The following FRMD4A variants were observed in gnomAD, a reference collection of about 807,000 sequenced individuals.
FRMD4A encodes FERM domain-containing protein 4A.
Under a neutral mutation model 129.1 loss-of-function variants are expected in FRMD4A, and 29 were observed. The ratio of observed to expected loss-of-function variants is 0.22; its 90% confidence interval spans 0.17 to 0.31. FRMD4A has a LOEUF of 0.31. Ranked by LOEUF, FRMD4A falls within the 10% of genes least tolerant of loss-of-function variation. The pLI is 1.00. For missense variants in FRMD4A, 1,272 were observed against 1,375.8 expected, an observed-to-expected ratio of 0.92 and a Z score of 1.19; for synonymous variants, 634 against 571.6, an observed-to-expected ratio of 1.11 and a Z score of -1.56.
chr10:14,226,035 C>T (rs1328847160), intron 2 of FRMD4A, among the ~76,000 whole-genome samples: 1 of 152,122 alleles, frequency 6.6e-6, no homozygotes, highest in African/African-American at 2.4e-5. Context: ...CCTTTTTCAT[C>T]TATTTGAGAT....
At chr10:13,712,436 C>T (rs1304515335) in intron 12 of FRMD4A, among the ~76,000 whole-genome samples, 1 of 152,024 alleles carries the variant, frequency 6.6e-6, no homozygotes, top group Non-Finnish European at 1.5e-5. Context: ...ATCGCTTGTA[C>T]CCAGGAGACG....
intron 2 of FRMD4A, among the ~76,000 whole-genome samples, chr10:14,155,151 C>T (rs1057480227): frequency 6.6e-6 from 1 of 152,140 alleles, no homozygotes; most frequent in African/African-American, 2.4e-5. Flanking sequence ...AAAACGTAGT[C>T]AGGTGTGGTG....
chr10:13,929,732 A>G (rs1458510603), intron 2 of FRMD4A, among the ~76,000 whole-genome samples: 1 of 152,226 alleles, frequency 6.6e-6, no homozygotes, highest in African/African-American at 2.4e-5. Flanking sequence ...TTCAGTTCTC[A>G]GCAGGCAACA....
chr10:14,189,956 G>A (rs746342169), intron 2 of FRMD4A, among the ~76,000 whole-genome samples: 12 of 152,166 alleles, frequency 7.9e-5, no homozygotes, highest in Admixed American at 1.3e-4. Context: ...TTCATAGGGC[G>A]CTCTCTGACT....
chr10:13,806,544 A>G (rs1427885431), intron 4 of FRMD4A, among the ~76,000 whole-genome samples: 2 of 152,176 alleles, frequency 1.3e-5, no homozygotes, highest in Non-Finnish European at 2.9e-5. Context: ...CTAGACCCCA[A>G]CATTCAACGC....
Position 13,927,505 on chromosome 10 carries a change from A to G in FRMD4A, c.46-68593T>C, listed in dbSNP as rs368383522. On this transcript the variant is annotated intron_variant, in intron 2 of 24. Transcript: ENST00000357447. ...AAGAAGTTAAGAATTTTCTATTTCA[A>G]TTGGATTCAAGTGGTTTCTGCCTTT... is the stretch of plus-strand genomic sequence containing the variant. 2.6e-5 allele frequency among the ~76,000 whole-genome samples: 4 copies of G among 152,224 alleles called. No homozygotes were observed. In the East Asian group the frequency reaches 7.7e-4, roughly 29 times the overall value.
intron 2 of FRMD4A, among the ~76,000 whole-genome samples, chr10:13,861,549 A>C (rs1441191766): frequency 6.6e-6 from 1 of 152,188 alleles, no homozygotes; most frequent in Non-Finnish European, 1.5e-5. Context: ...AGTTTCACAT[A>C]CTCCTAAACA....
At chr10:14,098,379 G>A (rs1837112613) in intron 2 of FRMD4A, among the ~76,000 whole-genome samples, 1 of 150,752 alleles carries the variant, frequency 6.6e-6, no homozygotes, top group South Asian at 2.1e-4. Flanking sequence ...AAATACTTCT[G>A]AATATGGTTC....
intron 2 of FRMD4A, among the ~76,000 whole-genome samples, chr10:13,964,797 T>C (rs1238664293): frequency 6.6e-6 from 1 of 151,704 alleles, no homozygotes; most frequent in Non-Finnish European, 1.5e-5. Context: ...CAAGCGATTC[T>C]CCTGCCTCAG....
At chr10:13,988,739 T>A (rs929198052) in intron 2 of FRMD4A, among the ~76,000 whole-genome samples, 1 of 152,212 alleles carries the variant, frequency 6.6e-6, no homozygotes, top group African/African-American at 2.4e-5. Context: ...GAGATCTCTA[T>A]GTAGATTTCT....
chr10:14,195,367 A>T (rs1219476420), intron 2 of FRMD4A, among the ~76,000 whole-genome samples: 2 of 152,072 alleles, frequency 1.3e-5, no homozygotes, highest in Non-Finnish European at 2.9e-5. Context: ...AGGGAATCAC[A>T]TCTGCCTGAG....
chr10:14,029,507 A>C (rs1588821532), intron 2 of FRMD4A, among the ~76,000 whole-genome samples: 1 of 152,214 alleles, frequency 6.6e-6, no homozygotes, highest in African/African-American at 2.4e-5. Flanking sequence ...AGCCCAAAGC[A>C]GTAGGCAATT....
At chr10:13,797,918 GAAAA>G (rs10565021) in intron 4 of FRMD4A, among the ~76,000 whole-genome samples, 35,723 of 140,698 alleles carry the variant, frequency 0.25, 4,838 homozygotes, top group East Asian at 0.45. Flanking sequence ...TTTCGCACAA[GAAAA>G]AAAAAAAAAA....
intron 2 of FRMD4A, among the ~76,000 whole-genome samples, chr10:13,997,971 G>T (rs1415798695): frequency 6.6e-6 from 1 of 152,114 alleles, no homozygotes; most frequent in East Asian, 1.9e-4. Context: ...CTGCAATAAG[G>T]TGATTTCTTA....
At chr10:13,900,759 T>C (rs948041989) in intron 2 of FRMD4A, among the ~76,000 whole-genome samples, 2 of 151,944 alleles carry the variant, frequency 1.3e-5, no homozygotes, top group African/African-American at 4.8e-5. Flanking sequence ...TAGCCAGGCG[T>C]GTTGGCAGGT....
At chr10:14,103,883 A>G (rs1279509373) in intron 2 of FRMD4A, among the ~76,000 whole-genome samples, 1 of 152,210 alleles carries the variant, frequency 6.6e-6, no homozygotes, top group African/African-American at 2.4e-5. Context: ...TAAAGATCAC[A>G]TTGAAATGAT....
intron 2 of FRMD4A, among the ~76,000 whole-genome samples, chr10:14,278,720 C>T (rs998299193): frequency 6.6e-6 from 1 of 152,138 alleles, no homozygotes; most frequent in Non-Finnish European, 1.5e-5. Context: ...CAGCTGACCA[C>T]GAGAAAGAGG....
intron 2 of FRMD4A, among the ~76,000 whole-genome samples, chr10:14,050,212 T>G (rs1369098552): frequency 6.6e-6 from 1 of 152,210 alleles, no homozygotes. Flanking sequence ...CAAAGACACA[T>G]TAAGCAGTGA....
intron 3 of FRMD4A, among the ~76,000 whole-genome samples, chr10:13,817,846 G>A (rs2093569431): frequency 6.6e-6 from 1 of 152,158 alleles, no homozygotes; most frequent in Non-Finnish European, 1.5e-5. Context: ...CCTTTCAGGT[G>A]ACTTCCATGA....
Sources: allele counts gnomAD v4.1 joint callset (sites outside exome capture counted in the v4.1 genomes callset), GRCh38; gene constraint gnomAD v4.1.1; transcripts MANE v1.5; gene names NCBI Gene and HGNC (gene_info 2026-07-23, HGNC 2026-07-21).